Variants in CADM2 observed in about 807,000 individuals in gnomAD.
The protein encoded by CADM2 is immunoglobulin superfamily member 4D.
A neutral mutation model predicts 49.8 loss-of-function variants in CADM2; 12 were observed. The ratio of observed to expected loss-of-function variants is 0.24; its 90% CI spans 0.15 to 0.39. CADM2 has a LOEUF of 0.39. CADM2 is among the 10% of genes least tolerant of loss of function. The probability of loss-of-function intolerance (pLI) is 1.00; values close to 1 mark genes in which losing one functional copy is unlikely to be tolerated. For missense variants in CADM2, 378 were observed against 492.3 expected (o/e 0.77, Z 2.20); for synonymous variants, 214 against 175.4 (o/e 1.22, Z -1.74).
intron 3 of CADM2, among the ~76,000 whole-genome samples, chr3:85,845,345 AGAT>A (rs1451196519): frequency 6.6e-6 from 1 of 152,120 alleles, no homozygotes; most frequent in African/African-American, 2.4e-5. Flanking sequence ...GTCAGGAGTC[AGAT>A]GACCAACTCA....
chr3:85,397,737 T>A (rs1329168443), intron 1 of CADM2, among the ~76,000 whole-genome samples: 1 of 152,108 alleles, frequency 6.6e-6, no homozygotes, highest in East Asian at 1.9e-4. Flanking sequence ...GGGAGGGGTA[T>A]TGATTAGTTA....
At chr3:85,585,994 A>G (rs2062933667) in intron 1 of CADM2, among the ~76,000 whole-genome samples, 1 of 152,086 alleles carries the variant, frequency 6.6e-6, no homozygotes, top group South Asian at 2.1e-4. Context: ...ACTCCTATCT[A>G]AAATAAAATT....
chr3:85,233,561 ATAGT>A (rs1208566781), intron 1 of CADM2, among the ~76,000 whole-genome samples: 3 of 152,188 alleles, frequency 2.0e-5, no homozygotes, highest in African/African-American at 4.8e-5. Flanking sequence ...ATATATTAAA[ATAGT>A]TAGCAAAAGT....
intron 1 of CADM2, among the ~76,000 whole-genome samples, chr3:85,192,317 T>G (rs2041228820): frequency 6.6e-6 from 1 of 152,076 alleles, no homozygotes; most frequent in Admixed American, 6.6e-5. Context: ...GCACTCATCT[T>G]TCTCTTTAGC....
intron 7 of CADM2, among the ~76,000 whole-genome samples, chr3:85,938,995 A>C (rs1424102083): frequency 6.6e-6 from 1 of 152,088 alleles, no homozygotes; most frequent in Non-Finnish European, 1.5e-5. Context: ...CAGAGTAATT[A>C]GGTATATTGG....
chr3:86,050,078 G>A (rs1416979372), intron 8 of CADM2, among the ~76,000 whole-genome samples: 1 of 152,128 alleles, frequency 6.6e-6, no homozygotes, highest in Non-Finnish European at 1.5e-5. Context: ...CTGCCTATGA[G>A]CCTATAAAAT....
At chr3:85,035,521 C>T (rs922219299) in intron 1 of CADM2, among the ~76,000 whole-genome samples, 3 of 152,062 alleles carry the variant, frequency 2.0e-5, no homozygotes, top group Non-Finnish European at 4.4e-5. Flanking sequence ...AGAGTTTTCC[C>T]CAAAGTTTTC....
chr3:85,699,622 C>G (rs1406790731), intron 1 of CADM2, among the ~76,000 whole-genome samples: 3 of 152,202 alleles, frequency 2.0e-5, no homozygotes, highest in Non-Finnish European at 4.4e-5. Flanking sequence ...AAAGCTGAAG[C>G]TAGAGCAGCT....
chr3:85,823,442 A>C (rs2073715559), intron 3 of CADM2, among the ~76,000 whole-genome samples: 1 of 152,160 alleles, frequency 6.6e-6, no homozygotes. Flanking sequence ...TACTTCTAGA[A>C]AACAAACAAA....
intron 1 of CADM2, among the ~76,000 whole-genome samples, chr3:85,612,732 C>A (rs1157781907): frequency 3.3e-5 from 5 of 151,500 alleles, no homozygotes; most frequent in African/African-American, 4.8e-5. Context: ...ATATGTTTGT[C>A]ATGAGGGACA....
intron 1 of CADM2, among the ~76,000 whole-genome samples, chr3:85,636,171 T>C (rs1322411023): frequency 6.6e-6 from 1 of 152,132 alleles, no homozygotes; most frequent in Non-Finnish European, 1.5e-5. Flanking sequence ...AAGAAGGCAT[T>C]GTTATCATAG....
intron 1 of CADM2, among the ~76,000 whole-genome samples, chr3:85,234,190 T>C (rs2042360968): frequency 6.6e-6 from 1 of 152,134 alleles, no homozygotes; most frequent in Admixed American, 6.6e-5. Context: ...CTTTACTTGA[T>C]ATTTAACCAC....
At chr3:85,545,743 G>C (rs2061655645) in intron 1 of CADM2, among the ~76,000 whole-genome samples, 1 of 152,146 alleles carries the variant, frequency 6.6e-6, no homozygotes, top group Admixed American at 6.5e-5. Flanking sequence ...TTTAGGAGCA[G>C]TATCATAAAA....
At chr3:85,995,657 T>G (rs552735235) in intron 8 of CADM2, among the ~76,000 whole-genome samples, 4 of 152,218 alleles carry the variant, frequency 2.6e-5, no homozygotes, top group African/African-American at 9.6e-5. Context: ...AATATTATTC[T>G]CCTGGATCAT....
At chr3:85,013,944 TTG>T (rs1432382512) in intron 1 of CADM2, among the ~76,000 whole-genome samples, 5 of 146,412 alleles carry the variant, frequency 3.4e-5, no homozygotes, top group Non-Finnish European at 7.5e-5. Context: ...TGTAATAATA[TTG>T]TATATTATAT....
chr3:85,445,318 G>C (rs1406908664), intron 1 of CADM2, among the ~76,000 whole-genome samples: 1 of 152,090 alleles, frequency 6.6e-6, no homozygotes, highest in Non-Finnish European at 1.5e-5. Flanking sequence ...ACTATATGCA[G>C]TACATAGTCA....
At chr3:85,630,194 G>A (rs149446789) in intron 1 of CADM2, among the ~76,000 whole-genome samples, 2 of 152,084 alleles carry the variant, frequency 1.3e-5, no homozygotes, top group Non-Finnish European at 2.9e-5. Flanking sequence ...TTATAAATTT[G>A]TGGGATTCAA....
At chr3:85,960,110 C>T (rs1399834287) in intron 7 of CADM2, among the ~76,000 whole-genome samples, 1 of 151,890 alleles carries the variant, frequency 6.6e-6, no homozygotes, top group African/African-American at 2.4e-5. Context: ...TCACACTCTC[C>T]AAGTGTTGTC....
Position 85,886,316 on chromosome 3 carries a change from A to G in CADM2, c.518A>G (p.Lys173Arg), listed in dbSNP as rs1403048015. ...GATATAAGATGGTTCAAAAATGACA[A>G]AGAGATTAAAGGTAAAGAATAGAAA... ...AADIRWFKND[K>R]EIKDVKYLKE... Residue 173 changes from lysine (K) to arginine (R), a missense_variant, in exon 5 of 10, where the codon AAA becomes AGA. Physicochemically the swap from Lys to Arg is conservative, Grantham distance 26 (BLOSUM62 2). Transcript: ENST00000383699. 1.2e-6 allele frequency: 2 copies of G among 1,610,132 alleles called. No homozygotes were observed. Among genetic ancestry groups the G allele is most frequent in the Non-Finnish European group, 1.7e-6 (2 of 1,176,618 alleles).
Sources: gnomAD v4.1 joint callset for allele counts (sites outside exome capture counted in the v4.1 genomes callset) on GRCh38, gnomAD v4.1.1 for gene constraint, MANE v1.5 for transcripts, NCBI Gene and HGNC (gene_info 2026-07-23, HGNC 2026-07-21) for gene names.